Variants in STAU2 observed in about 807,000 individuals in gnomAD.
STAU2 encodes double-stranded RNA-binding protein Staufen homolog 2.
Under a neutral mutation model 65.9 loss-of-function variants are expected in STAU2, and 20 were observed. The observed-to-expected ratio is 0.30, with a 90% confidence interval of 0.21 to 0.44. STAU2 has a LOEUF of 0.44. STAU2 is among the 20% of genes least tolerant of loss of function. The pLI, the probability that STAU2 is intolerant of heterozygous loss-of-function variation, is 1.00. For missense variants in STAU2, 558 were observed against 683.9 expected (o/e 0.82, Z 2.05); for synonymous variants, 232 against 233.9 (o/e 0.99, Z 0.07).
intron 6 of STAU2, among the ~76,000 whole-genome samples, chr8:73,638,646 G>A (rs1218743027): frequency 1.3e-5 from 2 of 151,420 alleles, no homozygotes; most frequent in Admixed American, 6.6e-5. Flanking sequence ...ACTGTCCCAT[G>A]CTTACCTGTT....
At chr8:73,579,480 C>CA (rs1426047749) in intron 12 of STAU2, among the ~76,000 whole-genome samples, 1 of 152,008 alleles carries the variant, frequency 6.6e-6, no homozygotes, top group Non-Finnish European at 1.5e-5. Context: ...AATGTGAATA[C>CA]AAAAAGAGAT....
intron 12 of STAU2, among the ~76,000 whole-genome samples, chr8:73,577,822 C>T (rs1324973066): frequency 2.0e-5 from 3 of 152,150 alleles, no homozygotes; most frequent in Non-Finnish European, 4.4e-5. Context: ...GATTGCTAAA[C>T]ATTTTTTCAT....
At chr8:73,605,621 T>G (rs1448520189) in intron 9 of STAU2, among the ~76,000 whole-genome samples, 2 of 151,968 alleles carry the variant, frequency 1.3e-5, no homozygotes, top group Non-Finnish European at 2.9e-5. Context: ...CAGTTGGCTT[T>G]TTAAAATTTA....
intron 13 of STAU2, among the ~76,000 whole-genome samples, chr8:73,469,155 G>A (rs1819829761): frequency 6.6e-6 from 1 of 152,260 alleles, no homozygotes; most frequent in East Asian, 1.9e-4. Context: ...GTCCTTTGTA[G>A]GGACATAGAT....
chr8:73,551,328 T>C (rs1807320493), intron 13 of STAU2: 1 of 987,378 alleles, frequency 1.0e-6, no homozygotes, highest in African/African-American at 1.7e-5. Flanking sequence ...TAAGTTAAAC[T>C]ATAAGCTAGT....
chr8:73,432,800 G>A (rs1360439520), intron 13 of STAU2, among the ~76,000 whole-genome samples: 2 of 152,050 alleles, frequency 1.3e-5, no homozygotes, highest in Non-Finnish European at 2.9e-5. Flanking sequence ...TTTCTAAAAC[G>A]GCTTACCCTT....
chr8:73,566,154 T>C (rs1360197012), intron 12 of STAU2, among the ~76,000 whole-genome samples: 1 of 152,198 alleles, frequency 6.6e-6, no homozygotes, highest in African/African-American at 2.4e-5. Context: ...GAACTTTTCA[T>C]TTCTTTCAGC....
At chr8:73,531,472 G>T (rs542622029) in intron 13 of STAU2, among the ~76,000 whole-genome samples, 2 of 152,090 alleles carry the variant, frequency 1.3e-5, no homozygotes, top group South Asian at 4.2e-4. Context: ...CTTGCTTGAG[G>T]ACCCAATTTC....
chr8:73,582,651 C>T (rs996788455), intron 12 of STAU2, 119 bp downstream of exon 12: 4 of 836,126 alleles, frequency 4.8e-6, no homozygotes, highest in African/African-American at 1.7e-5. Context: ...TCCTTTGTAC[C>T]CTCCAAAATA....
intron 13 of STAU2, among the ~76,000 whole-genome samples, chr8:73,537,830 A>G (rs1806283991): frequency 6.6e-6 from 1 of 152,238 alleles, no homozygotes; most frequent in Non-Finnish European, 1.5e-5. Context: ...ATTATATTTG[A>G]CATTTGAAGT....
chr8:73,451,397 G>A (rs866131975), intron 13 of STAU2, among the ~76,000 whole-genome samples: 3 of 152,100 alleles, frequency 2.0e-5, no homozygotes, highest in Admixed American at 2.0e-4. Flanking sequence ...AGATCCCACT[G>A]AGCTCAGTTG....
chr8:73,519,201 TCAAA>T (rs1319575368), intron 13 of STAU2, among the ~76,000 whole-genome samples: 1 of 152,232 alleles, frequency 6.6e-6, no homozygotes, highest in African/African-American at 2.4e-5. Flanking sequence ...TGAATCTATC[TCAAA>T]CAAAGAATGC....
intron 4 of STAU2, among the ~76,000 whole-genome samples, chr8:73,697,094 C>T (rs1819737527): frequency 6.6e-6 from 1 of 152,126 alleles, no homozygotes; most frequent in Non-Finnish European, 1.5e-5. Context: ...CACTCTGTCA[C>T]CCAGGCTGGA....
intron 6 of STAU2, among the ~76,000 whole-genome samples, chr8:73,664,761 T>C (rs146741059): frequency 0.011 from 1,638 of 152,268 alleles, 27 homozygotes; most frequent in African/African-American, 0.037. Context: ...GAGGACGAGG[T>C]GGGCAGATCA....
At chr8:73,680,135 T>G (rs888150310) in intron 5 of STAU2, among the ~76,000 whole-genome samples, 3 of 46,976 alleles carry the variant, frequency 6.4e-5, no homozygotes, top group South Asian at 8.8e-4. Flanking sequence ...AGAATCTGGG[T>G]GGGGGGTGGG....
At chr8:73,647,709 G>C (rs1815498111) in intron 6 of STAU2, among the ~76,000 whole-genome samples, 1 of 151,556 alleles carries the variant, frequency 6.6e-6, no homozygotes, top group South Asian at 2.1e-4. Flanking sequence ...CTCCCAAGTA[G>C]CCAGGACAAC....
intron 12 of STAU2, among the ~76,000 whole-genome samples, chr8:73,569,985 A>G (rs1302123261): frequency 6.6e-6 from 1 of 152,244 alleles, no homozygotes; most frequent in Non-Finnish European, 1.5e-5. Flanking sequence ...TGAGAGAAGA[A>G]GGCTTCAGAT....
intron 4 of STAU2, among the ~76,000 whole-genome samples, chr8:73,701,062 T>C (rs796759849): frequency 7.9e-5 from 12 of 152,116 alleles, no homozygotes; most frequent in African/African-American, 2.7e-4. Context: ...GAAAGCTAGA[T>C]ATCCATATGC....
intron 13 of STAU2, chr8:73,440,968 C>T (rs1475200951): frequency 6.6e-6 from 1 of 152,208 alleles, no homozygotes; most frequent in African/African-American, 2.4e-5. Flanking sequence ...TCCCTGAATT[C>T]ACTCCTGTCT....
Sources: gnomAD v4.1 joint callset for allele counts (sites outside exome capture counted in the v4.1 genomes callset) on GRCh38, gnomAD v4.1.1 for gene constraint, MANE v1.5 for transcripts, NCBI Gene and HGNC (gene_info 2026-07-23, HGNC 2026-07-21) for gene names.